The following FAM135A variants were observed in gnomAD, a reference collection of about 807,000 sequenced individuals.
FAM135A encodes protein FAM135A.
A neutral mutation model predicts 146.8 loss-of-function variants in FAM135A; 79 were observed. That is an observed-to-expected ratio of 0.54 (90% CI 0.45 to 0.65). The LOEUF is 0.65. Ranked by LOEUF, FAM135A falls within the 30% of genes least tolerant of loss-of-function variation. The pLI, the probability that FAM135A is intolerant of heterozygous loss-of-function variation, is 0.00. For synonymous variants in FAM135A, 562 were observed against 603.6 expected (o/e 0.93, Z 1.01); for missense variants, 1,623 against 1,758.2 (o/e 0.92, Z 1.38).
intron 12 of FAM135A, chr6:70,504,630 G>A (rs1789310456): frequency 6.6e-6 from 1 of 152,136 alleles, no homozygotes; most frequent in Non-Finnish European, 1.5e-5. Context: ...AGATTTAAAT[G>A]TGAAAGGCAA....
chr6:70,419,699 T>C (rs1327533519), intron 2 of FAM135A, among the ~76,000 whole-genome samples: 1 of 152,178 alleles, frequency 6.6e-6, no homozygotes, highest in Non-Finnish European at 1.5e-5. Flanking sequence ...TGTAAGCCCC[T>C]CATCTAATTG....
At chr6:70,425,828 G>T (rs1266453655) in intron 2 of FAM135A, among the ~76,000 whole-genome samples, 1 of 152,212 alleles carries the variant, frequency 6.6e-6, no homozygotes, top group Non-Finnish European at 1.5e-5. Context: ...TTAGGGCCGG[G>T]CGCGGTGGCT....
intron 4 of FAM135A, among the ~76,000 whole-genome samples, chr6:70,446,920 C>G (rs1457077077): frequency 6.6e-6 from 1 of 152,230 alleles, no homozygotes; most frequent in Non-Finnish European, 1.5e-5. Flanking sequence ...AGAACTTGTG[C>G]TCCGCACTGT....
rs1222427345 is a variant in FAM135A, at chr6:70,525,015, A to G, written c.1931A>G (p.His644Arg). Residue 644 changes from histidine (H) to arginine (R), a missense_variant, in exon 15 of 22, where the codon CAT becomes CGT. His to Arg is a conservative substitution (Grantham distance 29, BLOSUM62 0). Around this residue, in one of 7 missense-constraint regions of FAM135A, gnomAD observed 1,061 missense variants for 1,113.8 expected, o/e 0.95. Coordinates refer to ENST00000418814, the MANE Select transcript of FAM135A (RefSeq NM_001162529.3). ...LASRRSSDDC[H>R]DHQTTPSLGV... is the part of the protein sequence containing the mutation. ...TCCAGAAGGTCATCAGACGATTGCC[A>G]TGATCATCAAACAACCCCATCTTTG... 3 of 1,598,762 alleles carry G rather than the reference A, an allele frequency of 1.9e-6. No homozygotes were observed. Among genetic ancestry groups the G allele is most frequent in the South Asian group, 2.3e-5 (2 of 87,518 alleles).
At chr6:70,477,842 C>A (rs1782919652) in intron 8 of FAM135A, among the ~76,000 whole-genome samples, 1 of 151,980 alleles carries the variant, frequency 6.6e-6, no homozygotes, top group Non-Finnish European at 1.5e-5. Flanking sequence ...TAATAAAATT[C>A]AAGAGTATGG....
At chr6:70,549,201 C>CT (rs948606858) in intron 20 of FAM135A, among the ~76,000 whole-genome samples, 8 of 151,996 alleles carry the variant, frequency 5.3e-5, no homozygotes, top group Non-Finnish European at 1.5e-5. Flanking sequence ...CAGTGTTATA[C>CT]TTTTTTTATG....
At chr6:70,462,335 T>A (rs1407405345) in intron 5 of FAM135A, among the ~76,000 whole-genome samples, 1 of 152,230 alleles carries the variant, frequency 6.6e-6, no homozygotes, top group African/African-American at 2.4e-5. Flanking sequence ...ATTTGATTTC[T>A]GGGCAGATTA....
chr6:70,533,855 G>A lies in FAM135A; in HGVS notation c.3965+1G>A, dbSNP rs746893485. 5 of 1,400,906 alleles carry A rather than the reference G, an allele frequency of 3.6e-6. No individual in the cohort carries two copies. Among genetic ancestry groups the A allele is most frequent in the Non-Finnish European group, 4.8e-6 (5 of 1,036,604 alleles). The allele number at this position is 1,400,906 out of a possible 1,614,324, so 86.8% of individuals were successfully genotyped here. On this transcript the variant is annotated splice_donor_variant, in intron 18 of 21. Transcript: ENST00000418814. LOFTEE classifies it high-confidence loss of function. ...ATAGTCTAACAGTCTCAAAAATAAG[G>A]TATCTTCTTTAATATTATGCAATTT... is the stretch of plus-strand genomic sequence containing the variant.
At chr6:70,453,828 G>T (rs1175838848) in intron 5 of FAM135A, among the ~76,000 whole-genome samples, 1 of 152,052 alleles carries the variant, frequency 6.6e-6, no homozygotes, top group Non-Finnish European at 1.5e-5. Flanking sequence ...TGTTCATTTG[G>T]GTTGGTTCCA....
chr6:70,502,335 A>G (rs1788745365), intron 11 of FAM135A, among the ~76,000 whole-genome samples: 1 of 152,332 alleles, frequency 6.6e-6, no homozygotes, highest in Non-Finnish European at 1.5e-5. Flanking sequence ...GAAGCTGATC[A>G]TTCTCTATAG....
intron 3 of FAM135A, chr6:70,426,739 G>A (rs989763719): frequency 6.6e-6 from 1 of 152,212 alleles, no homozygotes; most frequent in Non-Finnish European, 1.5e-5. Flanking sequence ...CATAGCACTA[G>A]CAAGAGTACC....
chr6:70,501,559 C>T (rs1788533265), intron 11 of FAM135A, among the ~76,000 whole-genome samples: 1 of 152,224 alleles, frequency 6.6e-6, no homozygotes, highest in Admixed American at 6.5e-5. Flanking sequence ...ACTCCTGCAG[C>T]TAGCTCAGTG....
Position 70,479,147 on chromosome 6 carries a change from C to T in FAM135A, c.543-1754C>T, listed in dbSNP as rs1471713421. Among the ~76,000 whole-genome samples, 4 of 152,182 alleles carry T rather than the reference C, an allele frequency of 2.6e-5. No individual in the cohort carries two copies. In the South Asian group the frequency reaches 8.3e-4, roughly 31 times the overall value. On this transcript the variant is annotated intron_variant, in intron 8 of 21. Coordinates refer to ENST00000418814, the MANE Select transcript of FAM135A (RefSeq NM_001162529.3). ...TTCATAAAACTAGCTGTGTTTCTTT[C>T]CTGCAAAATGCACAAACAATTCATA...
At chr6:70,552,691 A>G (rs942133841) in intron 20 of FAM135A, among the ~76,000 whole-genome samples, 8 of 152,052 alleles carry the variant, frequency 5.3e-5, no homozygotes, top group African/African-American at 1.7e-4. Context: ...GCTGGTCTCA[A>G]ATTCCTGACC....
chr6:70,467,455 G>A (rs2128124698), intron 5 of FAM135A, among the ~76,000 whole-genome samples: 1 of 152,116 alleles, frequency 6.6e-6, no homozygotes, highest in East Asian at 1.9e-4. Context: ...TCAGTTCTGA[G>A]AAATTTCTTA....
At chr6:70,544,019 G>A (rs996110224) in intron 20 of FAM135A, among the ~76,000 whole-genome samples, 7 of 151,498 alleles carry the variant, frequency 4.6e-5, no homozygotes, top group African/African-American at 1.7e-4. Context: ...TGGTCAATGA[G>A]AATAGTAGTA....
At chr6:70,455,722 T>C (rs1383179664) in intron 5 of FAM135A, among the ~76,000 whole-genome samples, 1 of 152,180 alleles carries the variant, frequency 6.6e-6, no homozygotes, top group Non-Finnish European at 1.5e-5. Context: ...GAGATATCTT[T>C]CAAGATGGCA....
chr6:70,420,323 C>CT (rs1261981778), intron 2 of FAM135A, among the ~76,000 whole-genome samples: 2 of 152,170 alleles, frequency 1.3e-5, no homozygotes, highest in Non-Finnish European at 2.9e-5. Context: ...CTTGAGGGAC[C>CT]TGTGTCTCTT....
At chr6:70,455,381 T>TACACACAC (rs34915267) in intron 5 of FAM135A, among the ~76,000 whole-genome samples, 1 of 146,060 alleles carries the variant, frequency 6.8e-6, no homozygotes, top group African/African-American at 2.5e-5. Flanking sequence ...TTATGACAAA[T>TACACACAC]ACACACACAC....
Sources: gnomAD v4.1 joint callset for allele counts (sites outside exome capture counted in the v4.1 genomes callset) on GRCh38, gnomAD v4.1.1 for gene constraint, gnomAD v4.1.1 regional missense constraint, MANE v1.5 for transcripts, NCBI Gene and HGNC (gene_info 2026-07-23, HGNC 2026-07-21) for gene names.